The following SPOCK1 variants were observed in gnomAD, a reference collection of about 807,000 sequenced individuals.
SPOCK1 encodes SPARC (osteonectin), cwcv and kazal like domains proteoglycan 1.
Under a neutral mutation model 55.3 loss-of-function variants are expected in SPOCK1, and 23 were observed. That is an observed-to-expected ratio of 0.42 (90% CI 0.30 to 0.59). The LOEUF is 0.59. Ranked by LOEUF, SPOCK1 falls within the 20% of genes least tolerant of loss-of-function variation. The pLI is 0.22. For missense variants in SPOCK1, 499 were observed against 552.5 expected (o/e 0.90, Z 0.97); for synonymous variants, 226 against 221.0 (o/e 1.02, Z -0.20).
chr5:137,374,140 A>C (rs1751262702), intron 2 of SPOCK1, among the ~76,000 whole-genome samples: 1 of 152,266 alleles, frequency 6.6e-6, no homozygotes. Flanking sequence ...TATTACAAAC[A>C]GTTATAATAG....
At chr5:137,257,188 G>T (rs764905884) in intron 3 of SPOCK1, among the ~76,000 whole-genome samples, 1 of 152,206 alleles carries the variant, frequency 6.6e-6, no homozygotes, top group Non-Finnish European at 1.5e-5. Flanking sequence ...AAGGGAAAAA[G>T]TGAAACAGCC....
At chr5:137,327,924 A>T (rs1186344868) in intron 2 of SPOCK1, among the ~76,000 whole-genome samples, 1 of 152,196 alleles carries the variant, frequency 6.6e-6, no homozygotes, top group Non-Finnish European at 1.5e-5. Context: ...GCAAGGGGAA[A>T]AAATGAATAC....
At chr5:137,370,114 G>A (rs1024627220) in intron 2 of SPOCK1, among the ~76,000 whole-genome samples, 11 of 152,022 alleles carry the variant, frequency 7.2e-5, no homozygotes, top group Admixed American at 2.0e-4. Context: ...GGTAGAATTC[G>A]TCTCCTAGGA....
chr5:137,225,829 A>G (rs943519739), intron 3 of SPOCK1, among the ~76,000 whole-genome samples: 7 of 152,254 alleles, frequency 4.6e-5, no homozygotes, highest in Admixed American at 1.3e-4. Flanking sequence ...AGACAAGCCA[A>G]CTTCAAGAAC....
At chr5:137,271,355 T>C (rs1032546809) in intron 2 of SPOCK1, among the ~76,000 whole-genome samples, 1 of 149,322 alleles carries the variant, frequency 6.7e-6, no homozygotes, top group African/African-American at 2.4e-5. Context: ...AGAAAATATG[T>C]TTTACATATA....
At chr5:137,213,361 C>T (rs1163419815) in intron 3 of SPOCK1, among the ~76,000 whole-genome samples, 1 of 152,232 alleles carries the variant, frequency 6.6e-6, no homozygotes, top group East Asian at 1.9e-4. Flanking sequence ...AGATTCTGCA[C>T]ACTGACTATA....
intron 3 of SPOCK1, among the ~76,000 whole-genome samples, chr5:137,192,762 C>T (rs963779383): frequency 4.6e-5 from 7 of 152,172 alleles, no homozygotes; most frequent in African/African-American, 4.8e-5. Flanking sequence ...ACTGCATGAA[C>T]CAACAACACG....
At chr5:137,220,320 C>A (rs564710605) in intron 3 of SPOCK1, among the ~76,000 whole-genome samples, 3 of 152,316 alleles carry the variant, frequency 2.0e-5, no homozygotes, top group African/African-American at 7.2e-5. Flanking sequence ...CATAACTAAT[C>A]CTTTCACTTG....
chr5:137,240,428 T>C (rs780959527), intron 3 of SPOCK1, among the ~76,000 whole-genome samples: 3 of 152,156 alleles, frequency 2.0e-5, no homozygotes, highest in Non-Finnish European at 4.4e-5. Context: ...TATTTTTAAA[T>C]GACCAGATCT....
intron 3 of SPOCK1, among the ~76,000 whole-genome samples, chr5:137,242,854 T>C (rs1277372278): frequency 1.3e-5 from 2 of 152,228 alleles, no homozygotes; most frequent in African/African-American, 4.8e-5. Context: ...GAGAACATTG[T>C]GTATAACATG....
chr5:137,245,178 C>T (rs1756371262), intron 3 of SPOCK1, among the ~76,000 whole-genome samples: 1 of 152,140 alleles, frequency 6.6e-6, no homozygotes, highest in Admixed American at 6.5e-5. Context: ...ATATTATTGG[C>T]ATTAAGCTTC....
chr5:137,061,873 A>G (rs1031277799), intron 6 of SPOCK1, among the ~76,000 whole-genome samples: 1 of 152,086 alleles, frequency 6.6e-6, no homozygotes, highest in Non-Finnish European at 1.5e-5. Flanking sequence ...ACCCAGGAGA[A>G]ATTAAATTTA....
intron 3 of SPOCK1, among the ~76,000 whole-genome samples, chr5:137,249,072 A>G (rs1025668330): frequency 2.0e-5 from 3 of 152,250 alleles, no homozygotes; most frequent in African/African-American, 7.2e-5. Context: ...CAGCAAACAG[A>G]AAACAACAGA....
intron 6 of SPOCK1, among the ~76,000 whole-genome samples, chr5:137,051,374 G>C (rs1286020201): frequency 6.6e-6 from 1 of 152,186 alleles, no homozygotes; most frequent in African/African-American, 2.4e-5. Context: ...TGAAAGCTTT[G>C]GGTATTGGCT....
At chr5:137,258,351 A>G (rs1756677823) in intron 3 of SPOCK1, among the ~76,000 whole-genome samples, 2 of 152,220 alleles carry the variant, frequency 1.3e-5, no homozygotes, top group Non-Finnish European at 2.9e-5. Flanking sequence ...ACAGGTTTCC[A>G]GCAGTTAATT....
chr5:137,417,085 A>T (rs1752350547), intron 2 of SPOCK1, among the ~76,000 whole-genome samples: 1 of 152,104 alleles, frequency 6.6e-6, no homozygotes, highest in Non-Finnish European at 1.5e-5. Context: ...ATGAATGTTT[A>T]TATGCACATG....
intron 3 of SPOCK1, among the ~76,000 whole-genome samples, chr5:137,182,851 C>T (rs916372242): frequency 6.6e-6 from 1 of 152,162 alleles, no homozygotes; most frequent in African/African-American, 2.4e-5. Flanking sequence ...CCCACATGCC[C>T]GCAGCTCTGG....
chr5:137,200,952 AC>A (rs987241041), intron 3 of SPOCK1, among the ~76,000 whole-genome samples: 109 of 152,268 alleles, frequency 7.2e-4, no homozygotes, highest in African/African-American at 2.1e-3. Context: ...CTGTGAATAG[AC>A]CCTGATGTAC....
At position 137,181,584 on chromosome 5, in the gene SPOCK1, T is replaced by A. The variant is rs146202706; in HGVS notation, c.233-40890A>T. The stretch of plus-strand genomic sequence containing the variant: ...ACGGCCAGTTTCCCAAACCCAGAAG[T>A]CTGCAGCTTGCCATCAGCTCTGCCC... On this transcript the variant is annotated intron_variant, in intron 3 of 10. Coordinates refer to ENST00000394945, the MANE Select transcript of SPOCK1 (RefSeq NM_004598.4). Among the ~76,000 whole-genome samples, 56 of 152,322 alleles carry A rather than the reference T, an allele frequency of 3.7e-4. No homozygotes were observed. The East Asian group carries it at 0.01, about 28-fold the overall frequency.
Sources: gnomAD v4.1 joint callset for allele counts (sites outside exome capture counted in the v4.1 genomes callset) on GRCh38, gnomAD v4.1.1 for gene constraint, MANE v1.5 for transcripts, NCBI Gene and HGNC (gene_info 2026-07-23, HGNC 2026-07-21) for gene names.